The following MBD5 variants were observed in gnomAD, a reference collection of about 807,000 sequenced individuals.
MBD5 encodes the protein methyl-CpG-binding domain protein 5.
Under a neutral mutation model 117.3 loss-of-function variants are expected in MBD5, and 13 were observed. The observed-to-expected ratio is 0.11, with a 90% CI of 0.07 to 0.18. The LOEUF (loss-of-function observed/expected upper bound fraction) is 0.18, where lower values mean the gene tolerates loss of function less well. MBD5 is among the 10% of genes least tolerant of loss of function. The pLI is 1.00. For synonymous variants in MBD5, 727 were observed against 766.4 expected, an observed-to-expected ratio of 0.95 and a Z score of 0.85; for missense variants, 1,879 against 2,093.8, an observed-to-expected ratio of 0.90 and a Z score of 2.00.
At position 148,513,065 on chromosome 2, in the gene MBD5, C is replaced by T. The variant is rs1340597896; in HGVS notation, c.*124C>T. The T allele has an allele frequency of 3.0e-6, 3 of 987,306 alleles. No homozygotes were observed. Among genetic ancestry groups the T allele is most frequent in the Non-Finnish European group, 4.7e-6 (3 of 637,442 alleles). The allele number at this position is 987,306 out of a possible 1,614,324, so 61.2% of individuals were successfully genotyped here. ...GACTATGGCAGATAGCTACCACCAC[C>T]ACAGGGTGCTAAAAGAAACAGTGAT... On this transcript the variant is annotated 3_prime_UTR_variant, in exon 14 of 14. Coordinates refer to ENST00000642680, the MANE Select transcript of MBD5 (RefSeq NM_001378120.1).
intron 4 of MBD5, among the ~76,000 whole-genome samples, chr2:148,432,734 C>T (rs1190376459): frequency 1.3e-5 from 2 of 151,934 alleles, no homozygotes; most frequent in Non-Finnish European, 1.5e-5. Flanking sequence ...ATGTGTCTGT[C>T]TTGGTACCAG....
intron 2 of MBD5, among the ~76,000 whole-genome samples, chr2:148,230,814 G>C (rs145133749): frequency 9.7e-4 from 147 of 152,250 alleles, no homozygotes; most frequent in African/African-American, 1.7e-3. Flanking sequence ...AGGTTGCCTT[G>C]TTGCCCAGGG....
intron 10 of MBD5, among the ~76,000 whole-genome samples, chr2:148,488,308 T>C (rs1358568065): frequency 6.6e-6 from 1 of 152,228 alleles, no homozygotes; most frequent in Non-Finnish European, 1.5e-5. Flanking sequence ...AGTTGGTGAA[T>C]ATTTGAATAG....
At chr2:148,478,810 T>C (rs918637984) in intron 8 of MBD5, among the ~76,000 whole-genome samples, 2 of 152,188 alleles carry the variant, frequency 1.3e-5, no homozygotes, top group South Asian at 2.1e-4. Context: ...TTCTCCAGCT[T>C]ACTAACTTGT....
chr2:148,151,172 A>C (rs1697650929), intron 1 of MBD5, among the ~76,000 whole-genome samples: 1 of 151,534 alleles, frequency 6.6e-6, no homozygotes, highest in East Asian at 1.9e-4. Context: ...ATTTTGTCAA[A>C]GGCTTTTTCT....
chr2:148,467,954 A>G (rs570258319), intron 7 of MBD5, among the ~76,000 whole-genome samples: 5 of 152,312 alleles, frequency 3.3e-5, no homozygotes, highest in Non-Finnish European at 7.4e-5. Flanking sequence ...TAAATCCAAC[A>G]AAATAGTAAT....
chr2:148,220,959 C>G (rs1394406323), intron 2 of MBD5, among the ~76,000 whole-genome samples: 1 of 152,074 alleles, frequency 6.6e-6, no homozygotes, highest in East Asian at 1.9e-4. Flanking sequence ...CATCTGGTAA[C>G]CATCCTTCTC....
rs375333284 is a variant in MBD5 at position 148,470,248 on chromosome 2, G to A, written c.2305G>A (p.Val769Ile). 1.9e-5 allele frequency: 30 copies of A among 1,613,822 alleles called. No homozygotes were observed. The highest frequency in any genetic ancestry group is 2.4e-5 in the Non-Finnish European group (28 of 1,179,902). Residue 769 changes from valine to isoleucine, a missense_variant, in exon 8 of 14, where the codon GTT becomes ATT. Val to Ile is a conservative substitution (Grantham distance 29, BLOSUM62 3). Around this residue, in one of 4 missense-constraint regions of MBD5, gnomAD observed 1,666 missense variants for 1,792.2 expected, o/e 0.93. Coordinates refer to ENST00000642680, the MANE Select transcript of MBD5 (RefSeq NM_001378120.1). The part of the protein sequence containing the change: ...VHCHNANTNF[V>I]HSNSPVPNHH... ...CTGCCACAATGCAAACACTAACTTT[G>A]TTCACAGTAACAGTCCAGTCCCCAA...
chr2:148,264,684 A>G (rs143874339), intron 3 of MBD5: 1 of 152,374 alleles, frequency 6.6e-6, no homozygotes, highest in African/African-American at 2.4e-5. Context: ...AGAAACTGGT[A>G]GAAATGAAGA....
At chr2:148,225,746 T>A (rs1699802649) in intron 2 of MBD5, among the ~76,000 whole-genome samples, 2 of 152,200 alleles carry the variant, frequency 1.3e-5, no homozygotes, top group Admixed American at 6.5e-5. Flanking sequence ...GAGTAAAAGT[T>A]TTTTCCTTCA....
At chr2:148,194,926 TAAA>T (rs1161812441) in intron 2 of MBD5, among the ~76,000 whole-genome samples, 2 of 152,166 alleles carry the variant, frequency 1.3e-5, no homozygotes, top group Non-Finnish European at 2.9e-5. Flanking sequence ...ATCAGACTGA[TAAA>T]AACCCAATAA....
At chr2:148,205,333 G>A (rs1483715475) in intron 2 of MBD5, among the ~76,000 whole-genome samples, 1 of 151,990 alleles carries the variant, frequency 6.6e-6, no homozygotes, top group Non-Finnish European at 1.5e-5. Context: ...CAGGTGATCC[G>A]CCTACCTTGG....
At chr2:148,147,482 T>C (rs1697497744) in intron 1 of MBD5, among the ~76,000 whole-genome samples, 1 of 151,980 alleles carries the variant, frequency 6.6e-6, no homozygotes, top group East Asian at 1.9e-4. Context: ...GCTCAAGTGA[T>C]CCCCACCTCA....
intron 3 of MBD5, among the ~76,000 whole-genome samples, chr2:148,280,142 A>AAAC (rs1701211988): frequency 6.7e-6 from 1 of 148,150 alleles, no homozygotes; most frequent in Non-Finnish European, 1.5e-5. Flanking sequence ...AAAAAAAAAA[A>AAAC]AAAAAAAACA....
chr2:148,141,359 C>A (rs1196544283), intron 1 of MBD5, among the ~76,000 whole-genome samples: 1 of 152,160 alleles, frequency 6.6e-6, no homozygotes, highest in Non-Finnish European at 1.5e-5. Flanking sequence ...GATTAACCCC[C>A]AATAAACTCC....
At chr2:148,283,756 A>G (rs1407943644) in intron 3 of MBD5, among the ~76,000 whole-genome samples, 1 of 152,188 alleles carries the variant, frequency 6.6e-6, no homozygotes, top group Non-Finnish European at 1.5e-5. Flanking sequence ...TGCTTACTAG[A>G]GCAGTGCAAA....
At position 148,425,265 on chromosome 2, in the gene MBD5, C is replaced by T. The variant is rs549108999; in HGVS notation, c.-556-32938C>T. Reference sequence around the variant, plus strand: ...AGAGAATGCTATAAACACCTCTAAGCAAATAAACTAGAAAATCTAGAAGAA... The same window carrying T: ...AGAGAATGCTATAAACACCTCTAAGTAAATAAACTAGAAAATCTAGAAGAA... On this transcript the variant is annotated intron_variant, in intron 4 of 13. Coordinates refer to ENST00000642680, the MANE Select transcript of MBD5 (RefSeq NM_001378120.1). 1.5e-4 allele frequency among the ~76,000 whole-genome samples: 23 copies of T among 151,996 alleles called. No individual in the cohort carries two copies. The South Asian group carries it at 4.4e-3, about 29-fold the overall frequency.
intron 8 of MBD5, among the ~76,000 whole-genome samples, chr2:148,474,531 T>TA (rs200394648): frequency 1.7e-3 from 257 of 151,092 alleles, no homozygotes; most frequent in Middle Eastern, 0.014. Flanking sequence ...TATTTTTTCC[T>TA]AAAAAAAAAC....
Position 148,043,158 on chromosome 2 carries a change from G to A in MBD5, c.-925+21474G>A, listed in dbSNP as rs191423935. The stretch of plus-strand genomic sequence containing the variant: ...TAGAATTTCTAGGCCTGGCACTGTG[G>A]CTCACACCTGTAATCCCAGCACTTT... On this transcript the variant is annotated intron_variant, in intron 1 of 13. Transcript: ENST00000642680. Among the ~76,000 whole-genome samples, 959 of 152,032 alleles carry A rather than the reference G, an allele frequency of 6.3e-3. 2 individuals carry two copies. The highest frequency in any genetic ancestry group is 0.014 in the Middle Eastern group (4 of 294).
Sources: allele counts gnomAD v4.1 joint callset (sites outside exome capture counted in the v4.1 genomes callset), GRCh38; gene constraint gnomAD v4.1.1; regional missense constraint gnomAD v4.1.1; transcripts MANE v1.5; gene names NCBI Gene and HGNC (gene_info 2026-07-23, HGNC 2026-07-21).